Variants in DPP10 observed in about 807,000 individuals in gnomAD.
DPP10 encodes the protein dipeptidyl peptidase like 10.
Under a neutral mutation model 120.9 loss-of-function variants are expected in DPP10, and 33 were observed. The ratio of observed to expected loss-of-function variants is 0.27; its 90% CI spans 0.21 to 0.37. The LOEUF (loss-of-function observed/expected upper bound fraction) is 0.37, where lower values mean the gene tolerates loss of function less well. Ranked by LOEUF, DPP10 falls within the 10% of genes least tolerant of loss-of-function variation. The probability of loss-of-function intolerance (pLI) is 1.00; values close to 1 mark genes in which losing one functional copy is unlikely to be tolerated. For synonymous variants in DPP10, 337 were observed against 326.1 expected (o/e 1.03, Z -0.36); for missense variants, 816 against 942.8 (o/e 0.87, Z 1.76).
At chr2:115,681,463 A>G (rs549970905) in intron 5 of DPP10, among the ~76,000 whole-genome samples, 97 of 151,946 alleles carry the variant, frequency 6.4e-4, no homozygotes, top group African/African-American at 2.2e-3. Flanking sequence ...AGGATTTTCT[A>G]TCTCTGCTTG....
intron 1 of DPP10, among the ~76,000 whole-genome samples, chr2:115,184,600 G>C (rs2054303272): frequency 6.6e-6 from 1 of 152,196 alleles, no homozygotes; most frequent in African/African-American, 2.4e-5. Flanking sequence ...AGCCAAGCCG[G>C]CTCTAATTAA....
intron 1 of DPP10, among the ~76,000 whole-genome samples, chr2:115,218,174 A>G: frequency 6.6e-6 from 1 of 152,290 alleles, no homozygotes; most frequent in East Asian, 1.9e-4. Flanking sequence ...CTTATATTCA[A>G]AAGGACAATT....
In DPP10 at chr2:114,451,187, T is replaced by C. The variant is rs141860791; in HGVS notation, c.60+8349T>C. 5.4e-3 allele frequency among the ~76,000 whole-genome samples: 815 copies of C among 152,182 alleles called. 8 individuals are homozygous for C. The highest frequency in any genetic ancestry group is 0.018 in the African/African-American group (739 of 41,554). ...GGATGGACAGCTATGGCAAATTTTTTCCTTTAGGTGTATCCTCTGAAGGAA... is the reference window on the plus strand; with the variant it reads ...GGATGGACAGCTATGGCAAATTTTTCCCTTTAGGTGTATCCTCTGAAGGAA... On this transcript the variant is annotated intron_variant, in intron 1 of 25. Transcript: ENST00000410059.
chr2:115,285,911 C>T (rs755156573), intron 1 of DPP10, among the ~76,000 whole-genome samples: 8 of 151,956 alleles, frequency 5.3e-5, no homozygotes, highest in East Asian at 1.9e-4. Flanking sequence ...TCTGTTGTTT[C>T]TTCAATGCCT....
At chr2:115,731,432 T>TG (rs1369941549) in intron 8 of DPP10, among the ~76,000 whole-genome samples, 1 of 148,754 alleles carries the variant, frequency 6.7e-6, no homozygotes, top group Admixed American at 6.7e-5. Flanking sequence ...GAAGCTGAGG[T>TG]GGGAGGATCA....
At chr2:114,701,833 C>T (rs1700400266) in intron 1 of DPP10, among the ~76,000 whole-genome samples, 1 of 152,024 alleles carries the variant, frequency 6.6e-6, no homozygotes, top group Non-Finnish European at 1.5e-5. Context: ...TATTATAAAA[C>T]AGGAATAGCA....
At chr2:114,950,328 C>T (rs1199702180) in intron 1 of DPP10, among the ~76,000 whole-genome samples, 2 of 123,914 alleles carry the variant, frequency 1.6e-5, no homozygotes, top group African/African-American at 3.1e-5. Context: ...GGGAGTCTTG[C>T]TCTGTCCCCA....
chr2:115,762,665 A>G lies in DPP10; in HGVS notation c.1113+55A>G, dbSNP rs775816036. On this transcript the variant is annotated intron_variant, in intron 12 of 25. Coordinates refer to ENST00000410059, the MANE Select transcript of DPP10 (RefSeq NM_020868.6). Reference sequence around the variant, plus strand: ...GCCATTGTGACCATCCTGTTCACCCATTTTTTATGTGATAACTTTCTGTAA... The same window carrying G: ...GCCATTGTGACCATCCTGTTCACCCGTTTTTTATGTGATAACTTTCTGTAA... 1.4e-4 allele frequency: 219 copies of G among 1,585,218 alleles called. 2 individuals carry two copies. Among genetic ancestry groups the G allele is most frequent in the Middle Eastern group, 8.3e-4 (5 of 6,024 alleles).
intron 3 of DPP10, among the ~76,000 whole-genome samples, chr2:115,382,193 T>G (rs1241580888): frequency 1.3e-5 from 2 of 152,158 alleles, no homozygotes; most frequent in African/African-American, 4.8e-5. Flanking sequence ...CAGACTGCTG[T>G]GCTATCAATC....
chr2:115,251,213 A>C (rs534689071), intron 1 of DPP10, among the ~76,000 whole-genome samples: 2 of 152,340 alleles, frequency 1.3e-5, no homozygotes, highest in African/African-American at 4.8e-5. Flanking sequence ...GGCTTCTCTA[A>C]GAAAAGCTTC....
At chr2:114,962,522 T>A (rs138595469) in intron 1 of DPP10, among the ~76,000 whole-genome samples, 2 of 152,302 alleles carry the variant, frequency 1.3e-5, no homozygotes, top group East Asian at 3.9e-4. Context: ...CACAAACCCA[T>A]GTTTCAAAGC....
intron 5 of DPP10, among the ~76,000 whole-genome samples, chr2:115,613,586 T>TG (rs2084271693): frequency 6.6e-6 from 1 of 152,188 alleles, no homozygotes; most frequent in African/African-American, 2.4e-5. Flanking sequence ...TTCCAATGGT[T>TG]TCCTCTTTCT....
At chr2:115,111,461 A>C (rs2104682215) in intron 1 of DPP10, among the ~76,000 whole-genome samples, 1 of 152,242 alleles carries the variant, frequency 6.6e-6, no homozygotes, top group East Asian at 1.9e-4. Context: ...AACACTCATA[A>C]CAAAGGCCTC....
chr2:115,356,957 T>G (rs968871195), intron 3 of DPP10, among the ~76,000 whole-genome samples: 1 of 152,238 alleles, frequency 6.6e-6, no homozygotes, highest in African/African-American at 2.4e-5. Flanking sequence ...CTTTCTATAG[T>G]GGCTGAACTA....
At chr2:115,673,755 GGGAGGAGATTGTAAA>G in intron 5 of DPP10, among the ~76,000 whole-genome samples, 1 of 152,132 alleles carries the variant, frequency 6.6e-6, no homozygotes, top group Non-Finnish European at 1.5e-5. Flanking sequence ...ATATAGCACT[GGGAGGAGATTGTAAA>G]ACATCTGTTG....
intron 1 of DPP10, among the ~76,000 whole-genome samples, chr2:115,062,160 G>T (rs1160316767): frequency 6.7e-6 from 1 of 150,368 alleles, no homozygotes; most frequent in Non-Finnish European, 1.5e-5. Context: ...GTGTGTGTGT[G>T]TGTGTGTGTA....
chr2:115,693,023 G>C (rs181242679), intron 7 of DPP10, among the ~76,000 whole-genome samples: 46 of 152,112 alleles, frequency 3.0e-4, no homozygotes, highest in Non-Finnish European at 5.1e-4. Context: ...CACACTAAAT[G>C]GTTGAATAAT....
intron 1 of DPP10, among the ~76,000 whole-genome samples, chr2:114,964,676 A>T (rs1290296166): frequency 1.3e-5 from 2 of 152,152 alleles, no homozygotes; most frequent in Non-Finnish European, 2.9e-5. Flanking sequence ...GAGCAGATAG[A>T]GGGAAGTAAG....
At chr2:114,651,670 T>C (rs558434277) in intron 1 of DPP10, among the ~76,000 whole-genome samples, 21 of 152,278 alleles carry the variant, frequency 1.4e-4, no homozygotes, top group Non-Finnish European at 2.5e-4. Flanking sequence ...AGACTGTGCT[T>C]GGGCTCCCCT....
Sources: allele counts gnomAD v4.1 joint callset (sites outside exome capture counted in the v4.1 genomes callset), GRCh38; gene constraint gnomAD v4.1.1; transcripts MANE v1.5; gene names NCBI Gene and HGNC (gene_info 2026-07-23, HGNC 2026-07-21).